WDFY2: variants seen among roughly 807,000 people sequenced by gnomAD.
WDFY2 encodes the protein WD repeat and FYVE domain containing 2.
WDFY2 carries 36 observed loss-of-function variants against 56.4 expected under a neutral mutation model. The observed-to-expected ratio is 0.64, with a 90% CI of 0.49 to 0.84. The LOEUF is 0.84. Ranked by LOEUF, WDFY2 falls within the 40% of genes least tolerant of loss-of-function variation. The pLI, the probability that WDFY2 is intolerant of heterozygous loss-of-function variation, is 0.00. For synonymous variants in WDFY2, 176 were observed against 183.7 expected (o/e 0.96, Z 0.34); for missense variants, 444 against 512.2 (o/e 0.87, Z 1.29).
At chr13:51,613,998 A>G (rs1318559330) in intron 1 of WDFY2, among the ~76,000 whole-genome samples, 1 of 152,158 alleles carries the variant, frequency 6.6e-6, no homozygotes, top group East Asian at 1.9e-4. Flanking sequence ...CAGCCTGGCT[A>G]ACATAGTGAA....
At chr13:51,608,739 A>G (rs1954431888) in intron 1 of WDFY2, among the ~76,000 whole-genome samples, 1 of 152,198 alleles carries the variant, frequency 6.6e-6, no homozygotes. Flanking sequence ...GACAAGTAAG[A>G]TTATATCAGA....
At chr13:51,750,571 C>T (rs954906156) in intron 7 of WDFY2, among the ~76,000 whole-genome samples, 16 of 151,910 alleles carry the variant, frequency 1.1e-4, no homozygotes, top group African/African-American at 3.6e-4. Context: ...ACTATGTACC[C>T]TATTCTCTCA....
chr13:51,686,504 A>C (rs1956064559), intron 3 of WDFY2, among the ~76,000 whole-genome samples: 1 of 152,042 alleles, frequency 6.6e-6, no homozygotes, highest in African/African-American at 2.4e-5. Flanking sequence ...AATTTAAAAA[A>C]CTCATTGTTT....
intron 4 of WDFY2, among the ~76,000 whole-genome samples, chr13:51,718,227 C>G (rs1452892303): frequency 6.6e-6 from 1 of 152,096 alleles, no homozygotes; most frequent in African/African-American, 2.4e-5. Flanking sequence ...GGAGCAGGGC[C>G]CAGTGAGATC....
intron 2 of WDFY2, 23 bp from the exon 3 acceptor site, chr13:51,675,147 A>G (rs761929887): frequency 3.5e-5 from 56 of 1,612,680 alleles, no homozygotes; most frequent in Non-Finnish European, 4.7e-5. Flanking sequence ...TGTTAATTTC[A>G]TCAACATGTT....
intron 3 of WDFY2, among the ~76,000 whole-genome samples, chr13:51,699,598 A>G (rs995432012): frequency 6.6e-6 from 1 of 152,260 alleles, no homozygotes; most frequent in Non-Finnish European, 1.5e-5. Context: ...TATCCAGCTC[A>G]TAGTGTAATG....
chr13:51,589,331 G>A (rs1954001683), intron 1 of WDFY2: 2 of 152,054 alleles, frequency 1.3e-5, no homozygotes, highest in Non-Finnish European at 1.5e-5. Flanking sequence ...AAGGGGCTGG[G>A]ATGAGGGGGT....
chr13:51,696,773 C>CG (rs1324643041), intron 3 of WDFY2, among the ~76,000 whole-genome samples: 1 of 152,160 alleles, frequency 6.6e-6, no homozygotes, highest in Non-Finnish European at 1.5e-5. Flanking sequence ...TATAAACAAT[C>CG]TATCAAGAAG....
At chr13:51,699,664 G>A (rs1242914193) in intron 3 of WDFY2, among the ~76,000 whole-genome samples, 3 of 152,086 alleles carry the variant, frequency 2.0e-5, no homozygotes, top group Admixed American at 6.5e-5. Context: ...GGCAAAAATT[G>A]AAAAGATGAA....
intron 7 of WDFY2, among the ~76,000 whole-genome samples, chr13:51,744,836 C>T (rs962998908): frequency 6.6e-5 from 10 of 152,186 alleles, no homozygotes; most frequent in African/African-American, 1.9e-4. Flanking sequence ...GTTCATTCTT[C>T]GTAACCCCTA....
At chr13:51,668,041 G>A (rs927600754) in intron 2 of WDFY2, among the ~76,000 whole-genome samples, 21 of 151,566 alleles carry the variant, frequency 1.4e-4, no homozygotes, top group African/African-American at 2.9e-4. Flanking sequence ...ACAGGCGTCC[G>A]CCACTGCGCC....
At chr13:51,699,347 TC>T (rs1452446531) in intron 3 of WDFY2, among the ~76,000 whole-genome samples, 1 of 152,196 alleles carries the variant, frequency 6.6e-6, no homozygotes, top group Non-Finnish European at 1.5e-5. Context: ...TCCAGAGACT[TC>T]CTGAATGCTG....
chr13:51,718,120 CT>C (rs1952400305), intron 4 of WDFY2, among the ~76,000 whole-genome samples: 1 of 152,178 alleles, frequency 6.6e-6, no homozygotes, highest in Admixed American at 6.5e-5. Context: ...CTGTCTAACT[CT>C]GTTTTCATGA....
chr13:51,590,036 A>G (rs2138284175), intron 1 of WDFY2: 1 of 152,304 alleles, frequency 6.6e-6, no homozygotes, highest in Non-Finnish European at 1.5e-5. Context: ...GAGGAGGCTT[A>G]CTAGAGGAGG....
At chr13:51,643,033 G>T (rs893899489) in intron 1 of WDFY2, among the ~76,000 whole-genome samples, 1 of 152,140 alleles carries the variant, frequency 6.6e-6, no homozygotes, top group Admixed American at 6.5e-5. Context: ...GACTACAGTT[G>T]TGGAGAGAGA....
Position 51,636,602 on chromosome 13 carries a change from ATACAG to A in WDFY2, c.138-23988_138-23984del, listed in dbSNP as rs1955058459. Among the ~76,000 whole-genome samples the A allele has an allele frequency of 1.6e-4, 25 of 152,364 alleles. 1 individual carries two copies. In the South Asian group the frequency reaches 5.2e-3, roughly 32 times the overall value. On this transcript the variant is annotated intron_variant, in intron 1 of 11. Transcript: ENST00000298125. ...TACCTAAGGCTTTAATAAAGACAGG[ATACAG>A]TACAGCAGGGGAAAGAAAACAAGGC...
rs374226125 is a variant in WDFY2 at position 51,670,669 on chromosome 13, G to A, written c.206-4501G>A. ...CATCCTGGGTTCAGGCATATAGGTT[G>A]TAGAACAGTAAGATTTCTGTTCAGA... On this transcript the variant is annotated intron_variant, in intron 2 of 11. Transcript: ENST00000298125. 1.9e-3 allele frequency among the ~76,000 whole-genome samples: 284 copies of A among 152,214 alleles called. 2 individuals carry two copies. Among genetic ancestry groups the A allele is most frequent in the South Asian group, 6.2e-3 (30 of 4,824 alleles).
chr13:51,715,356 A>T (rs1340070173), intron 4 of WDFY2, among the ~76,000 whole-genome samples: 2 of 152,104 alleles, frequency 1.3e-5, no homozygotes, highest in African/African-American at 2.4e-5. Context: ...TTGGTTTTTT[A>T]AATTTTTAAT....
chr13:51,718,092 C>T (rs1017921375), intron 4 of WDFY2, among the ~76,000 whole-genome samples: 8 of 152,282 alleles, frequency 5.3e-5, no homozygotes, highest in Middle Eastern at 3.4e-3. Flanking sequence ...TCAGCAGAGC[C>T]GCATTTGTCC....
Sources: allele counts gnomAD v4.1 joint callset (sites outside exome capture counted in the v4.1 genomes callset), GRCh38; gene constraint gnomAD v4.1.1; transcripts MANE v1.5; gene names NCBI Gene and HGNC (gene_info 2026-07-23, HGNC 2026-07-21).